SLC6A18: variants seen among roughly 807,000 people sequenced by gnomAD.
SLC6A18 encodes inactive sodium-dependent neutral amino acid transporter B(0)AT3.
A neutral mutation model predicts 62.9 loss-of-function variants in SLC6A18; 58 were observed. That is an observed-to-expected ratio of 0.92 (90% CI 0.75 to 1.15). The LOEUF is 1.15. Among genes scored for constraint, SLC6A18 ranks in the 50% most tolerant of loss-of-function variants. SLC6A18 has a pLI of 0.00. For missense variants in SLC6A18, 793 were observed against 836.6 expected (o/e 0.95, Z 0.64); for synonymous variants, 382 against 365.8 (o/e 1.04, Z -0.51).
chr5:1,233,721 C>A (rs1399010765), intron 3 of SLC6A18, among the ~76,000 whole-genome samples: 2 of 151,216 alleles, frequency 1.3e-5, no homozygotes, highest in Non-Finnish European at 2.9e-5. Flanking sequence ...CAGCTGGGAC[C>A]ACAGACAAGT....
intron 1 of SLC6A18, among the ~76,000 whole-genome samples, chr5:1,227,271 G>A (rs983082371): frequency 4.6e-5 from 7 of 152,166 alleles, no homozygotes; most frequent in East Asian, 3.9e-4. Flanking sequence ...GCTGCTCCAC[G>A]CTGGGGCAAA....
At chr5:1,239,230 T>C (rs1746984513) in intron 5 of SLC6A18, among the ~76,000 whole-genome samples, 1 of 152,260 alleles carries the variant, frequency 6.6e-6, no homozygotes, top group Non-Finnish European at 1.5e-5. Context: ...CACCGGCTCA[T>C]TCGGCCACAT....
At chr5:1,227,111 C>T (rs1410189592) in intron 1 of SLC6A18, among the ~76,000 whole-genome samples, 6 of 149,470 alleles carry the variant, frequency 4.0e-5, no homozygotes, top group East Asian at 4.0e-4. Flanking sequence ...ACGCCTTGCC[C>T]GCCGACGCCT....
At chr5:1,226,985 C>CGATGCCTTGCCCACT (rs1746592694) in intron 1 of SLC6A18, among the ~76,000 whole-genome samples, 2 of 91,216 alleles carry the variant, frequency 2.2e-5, no homozygotes, top group African/African-American at 7.2e-5. Flanking sequence ...CCTTGCCCAC[C>CGATGCCTTGCCCACT]GATGCCTTGC....
intron 3 of SLC6A18, 75 bp from the exon 4 acceptor site, chr5:1,235,406 A>T: frequency 6.8e-7 from 1 of 1,478,556 alleles, no homozygotes; most frequent in Middle Eastern, 1.9e-4. Context: ...CAGCCCAGGG[A>T]AATTGAGCTC....
chr5:1,225,837 C>T (rs567955613), intron 1 of SLC6A18, among the ~76,000 whole-genome samples, 200 bp downstream of exon 1: 65 of 152,206 alleles, frequency 4.3e-4, no homozygotes, highest in African/African-American at 1.3e-3. Context: ...GGCAGCTTCA[C>T]CACTGCCCAC....
At position 1,232,880 on chromosome 5, in the gene SLC6A18, AC is replaced by A. The variant is rs1464515632; in HGVS notation, c.432del (p.Asn144LysfsTer15). 6.2e-7 allele frequency: 1 copy of A among 1,611,662 alleles called. No individual in the cohort carries two copies. Among genetic ancestry groups the A allele is most frequent in the Non-Finnish European group, 8.5e-7 (1 of 1,179,140 alleles). On this transcript the variant is annotated frameshift_variant, in exon 3 of 12. Coordinates refer to ENST00000324642, the MANE Select transcript of SLC6A18 (RefSeq NM_182632.3). LOFTEE classifies it high-confidence loss of function. The part of the protein sequence containing the change: ...LPWSSCPPDL[N>X]RTGFVEECQG... ...TGGAGCTCCTGCCCACCGGACCTCA[AC>A]AGAACAGGTGAGCTGGGCGCCGCCT...
intron 6 of SLC6A18, 147 bp from the exon 7 acceptor site, chr5:1,240,384 G>A (rs1210926599): frequency 1.1e-5 from 14 of 1,219,586 alleles, no homozygotes; most frequent in South Asian, 1.5e-5. Context: ...GAGACTCCAG[G>A]ACTGGCAGCA....
chr5:1,234,261 G>A (rs929510056), intron 3 of SLC6A18, among the ~76,000 whole-genome samples: 12 of 152,166 alleles, frequency 7.9e-5, no homozygotes, highest in South Asian at 4.1e-4. Context: ...TAAAACTCAC[G>A]CTGGGCTGGT....
chr5:1,232,660 T>C, intron 2 of SLC6A18, 91 bp from the exon 3 acceptor site: 2 of 1,506,724 alleles, frequency 1.3e-6, no homozygotes, highest in Admixed American at 2.2e-5. Flanking sequence ...TGTGTTATTT[T>C]ATGTTGTTAT....
At position 1,243,561 on chromosome 5, in the gene SLC6A18, T is replaced by C. The variant is rs1237161721; in HGVS notation, c.1138T>C (p.Ser380Pro). 6.2e-7 allele frequency: 1 copy of C among 1,613,338 alleles called. No individual in the cohort carries two copies. Residue 380 changes from serine (S) to proline (P), a missense_variant, in exon 9 of 12, where the codon TCG becomes CCG. Physicochemically the swap from Ser to Pro is moderately conservative, Grantham distance 74 (BLOSUM62 -1). Coordinates refer to ENST00000324642, the MANE Select transcript of SLC6A18 (RefSeq NM_182632.3). This position sits in a 1 kb window ranked among gnomAD's most constrained non-coding sequence, Gnocchi z 6.5. ...GGGGCTCCGTGTATTGCAGAGTGCC[T>C]CGGGCCCGGGCCTGGCCTTCGTCGT... ...LLEDFLDKSASGPGLAFVVFT... is the reference protein window; with the variant it reads ...LLEDFLDKSAPGPGLAFVVFT...
intron 1 of SLC6A18, among the ~76,000 whole-genome samples, chr5:1,230,739 G>A (rs749409335): frequency 3.9e-5 from 6 of 152,180 alleles, no homozygotes; most frequent in East Asian, 1.9e-4. Flanking sequence ...GACGCACGGC[G>A]GGGAAGAGTG....
rs910269365 is a variant in SLC6A18 at position 1,243,493 on chromosome 5, C to T, written c.1132-62C>T. On this transcript the variant is annotated intron_variant, in intron 8 of 11. Coordinates refer to ENST00000324642, the MANE Select transcript of SLC6A18 (RefSeq NM_182632.3). This position sits in a 1 kb window ranked among gnomAD's most constrained non-coding sequence, Gnocchi z 6.5. ...GGAGAGTGTGTGTCCTGCAGGCAGG[C>T]GTGTGTGTGTGGTGGAGTGTGTGTG... The T allele has an allele frequency of 6.9e-5, 106 of 1,530,054 alleles. No individual in the cohort carries two copies. Among genetic ancestry groups the T allele is most frequent in the Non-Finnish European group, 9.4e-5 (105 of 1,116,752 alleles). 94.8% of individuals were successfully genotyped at this position (1,530,054 alleles called of 1,614,324 possible).
chr5:1,243,557 T>A lies in SLC6A18; in HGVS notation c.1134T>A (p.Ser378Arg), dbSNP rs748262389. 2 of 1,613,080 alleles carry A rather than the reference T, an allele frequency of 1.2e-6. No individual in the cohort carries two copies. Among genetic ancestry groups the A allele is most frequent in the East Asian group, 2.2e-5 (1 of 44,862 alleles). The change falls in exon 9 of 12, where the codon AGT (serine) becomes AGA (arginine). Residue 378 changes from serine (S) to arginine (R), a missense_variant and splice_region_variant. By Grantham distance (110) the Ser-to-Arg change is moderately radical (BLOSUM62 -1). Coordinates refer to ENST00000324642, the MANE Select transcript of SLC6A18 (RefSeq NM_182632.3). The surrounding 1 kb of genome is among the most constrained non-coding windows in gnomAD (Gnocchi z 6.5). The part of the protein sequence containing the change: ...ACLLEDFLDK[S>R]ASGPGLAFVV... ...GCCCGGGGCTCCGTGTATTGCAGAG[T>A]GCCTCGGGCCCGGGCCTGGCCTTCG...
At chr5:1,232,098 G>C (rs1746743814) in intron 1 of SLC6A18, 121 bp from the exon 2 acceptor site, 3 of 855,628 alleles carry the variant, frequency 3.5e-6, no homozygotes, top group Non-Finnish European at 5.5e-6. Flanking sequence ...CACCCAAGTG[G>C]TGCCCCCAAC....
intron 6 of SLC6A18, among the ~76,000 whole-genome samples, chr5:1,240,085 C>A (rs930683757): frequency 6.6e-5 from 10 of 152,170 alleles, no homozygotes; most frequent in Admixed American, 6.5e-4. Flanking sequence ...GCTCTGCCCG[C>A]TGGCGGCCTT....
chr5:1,232,105 C>G, intron 1 of SLC6A18, 114 bp from the exon 2 acceptor site: 1 of 930,788 alleles, frequency 1.1e-6, no homozygotes, highest in South Asian at 1.6e-5. Context: ...GTGGTGCCCC[C>G]AACATTCAGG....
intron 4 of SLC6A18, 85 bp from the exon 5 acceptor site, chr5:1,237,865 G>A (rs1579530443): frequency 1.9e-6 from 2 of 1,041,502 alleles, no homozygotes; most frequent in Non-Finnish European, 3.0e-6. Flanking sequence ...CACAAGGGCG[G>A]TGTCTGGAGC....
chr5:1,243,834 C>T lies in SLC6A18; in HGVS notation c.1336+75C>T, dbSNP rs1452778144. 51 of 1,389,980 alleles carry T rather than the reference C, an allele frequency of 3.7e-5. No homozygotes were observed. The highest frequency in any genetic ancestry group is 1.1e-4 in the South Asian group (8 of 73,776). The allele number at this position is 1,389,980 out of a possible 1,614,324, so 86.1% of individuals were successfully genotyped here. On this transcript the variant is annotated intron_variant, in intron 9 of 11. Transcript: ENST00000324642. This position sits in a 1 kb window ranked among gnomAD's most constrained non-coding sequence, Gnocchi z 6.5. ...TGTCCACTCCCGCCCGCTGTCCAGA[C>T]GCCCCTCCTGGATGGAGAGCGCAAG... is the stretch of plus-strand genomic sequence containing the variant.
Sources: allele counts gnomAD v4.1 joint callset (sites outside exome capture counted in the v4.1 genomes callset), GRCh38; gene constraint gnomAD v4.1.1; non-coding constraint Gnocchi (gnomAD v3.1); transcripts MANE v1.5; gene names NCBI Gene and HGNC (gene_info 2026-07-23, HGNC 2026-07-21).